Variants in TFAP2D observed in about 807,000 individuals in gnomAD.
The protein encoded by TFAP2D is transcription factor AP-2 delta, also known as transcription factor AP-2-delta.
In TFAP2D, 9 loss-of-function variants were observed where a neutral mutation model predicts 43.6. The observed-to-expected ratio is 0.21, with a 90% CI of 0.12 to 0.36. TFAP2D has a LOEUF of 0.36. TFAP2D is among the 10% of genes least tolerant of loss of function. The probability of loss-of-function intolerance (pLI) is 1.00; values close to 1 mark genes in which losing one functional copy is unlikely to be tolerated. For synonymous variants in TFAP2D, 256 were observed against 224.9 expected (o/e 1.14, Z -1.24); for missense variants, 513 against 561.4 (o/e 0.91, Z 0.87).
intron 7 of TFAP2D, among the ~76,000 whole-genome samples, chr6:50,763,680 GA>G (rs1302541208): frequency 6.6e-6 from 1 of 151,916 alleles, no homozygotes; most frequent in Non-Finnish European, 1.5e-5. Flanking sequence ...GCAATAAAAA[GA>G]AACAATATAT....
At chr6:50,736,072 T>C (rs1768959986) in intron 5 of TFAP2D, among the ~76,000 whole-genome samples, 1 of 152,190 alleles carries the variant, frequency 6.6e-6, no homozygotes, top group South Asian at 2.1e-4. Context: ...AAAAGTCATA[T>C]GAAACTTGAG....
chr6:50,734,567 T>C (rs1209241056), intron 5 of TFAP2D, among the ~76,000 whole-genome samples: 1 of 152,060 alleles, frequency 6.6e-6, no homozygotes, highest in Non-Finnish European at 1.5e-5. Flanking sequence ...TCTGCCTAAG[T>C]CTTAGGAATC....
chr6:50,731,989 C>CCAA lies in TFAP2D; in HGVS notation c.883+2677_883+2678insCAA, dbSNP rs1768901719. Among the ~76,000 whole-genome samples the CCAA allele has an allele frequency of 2.0e-5, 3 of 152,114 alleles. No individual in the cohort carries two copies. In the East Asian group the frequency reaches 5.8e-4, roughly 29 times the overall value. ...TCCAACATGGGTCTAATGTTTGTTC[C>CCAA]ATTTCTACAGTTTTACTCCTGTATG... On this transcript the variant is annotated intron_variant, in intron 5 of 7. Transcript: ENST00000008391.
chr6:50,750,203 T>G (rs902807712), intron 6 of TFAP2D, among the ~76,000 whole-genome samples: 1 of 151,968 alleles, frequency 6.6e-6, no homozygotes. Flanking sequence ...CGGGTTCATA[T>G]TCACTTGAAA....
chr6:50,714,260 G>A (rs1020639434), intron 1 of TFAP2D, among the ~76,000 whole-genome samples, 166 bp downstream of exon 1: 2 of 151,910 alleles, frequency 1.3e-5, no homozygotes, highest in African/African-American at 4.8e-5. Context: ...GGAAGGAAAG[G>A]GGAGAAAGTT....
At position 50,714,164 on chromosome 6, in the gene TFAP2D, TGGCGGC is replaced by T; in HGVS notation, c.39+76_39+81del. 2.6e-6 allele frequency: 4 copies of T among 1,519,208 alleles called. No individual in the cohort carries two copies. The South Asian group carries it at 4.7e-5, about 18-fold the overall frequency. The allele number at this position is 1,519,208 out of a possible 1,614,324, so 94.1% of individuals were successfully genotyped here. A position where few individuals can be genotyped will look rare whatever the true frequency, so the allele number is the denominator to read the frequency against. On this transcript the variant is annotated intron_variant, in intron 1 of 7. Coordinates refer to ENST00000008391, the MANE Select transcript of TFAP2D (RefSeq NM_172238.4). ...GTGGCGGCGGCGGCGGTGGCGGCGG[TGGCGGC>T]GGCGGTGGCAGCCTCCCCTGTCTCT...
chr6:50,724,149 G>A (rs1768771825), intron 3 of TFAP2D, among the ~76,000 whole-genome samples: 1 of 152,028 alleles, frequency 6.6e-6, no homozygotes, highest in Non-Finnish European at 1.5e-5. Flanking sequence ...GGTTAGGAAG[G>A]GTGAGAGGCT....
At chr6:50,772,539 T>C in intron 7 of TFAP2D, 106 bp from the exon 8 acceptor site, 1 of 961,446 alleles carries the variant, frequency 1.0e-6, no homozygotes, top group Non-Finnish European at 1.6e-6. Context: ...AGGAACACAA[T>C]GAATACCTGT....
In TFAP2D at chr6:50,745,205, C is replaced by T; in HGVS notation, c.982C>T (p.Gln328Ter). 1 of 1,613,632 alleles carries T rather than the reference C, an allele frequency of 6.2e-7. No homozygotes were observed. The highest frequency in any genetic ancestry group is 8.5e-7 in the Non-Finnish European group (1 of 1,179,760). ...GEHLARQHME[Q>*]KEQTARKKMI... ...ACATCTTGCCAGACAACATATGGAACAGAAAGAACAGACAGCAAGAAAAAA... is the reference window on the plus strand; with the variant it reads ...ACATCTTGCCAGACAACATATGGAATAGAAAGAACAGACAGCAAGAAAAAA... The change falls in exon 6 of 8, where the codon CAG (glutamine) becomes TAG (stop). Residue 328 changes from glutamine (Q) to a stop codon, truncating the protein, a stop_gained. Coordinates refer to ENST00000008391, the MANE Select transcript of TFAP2D (RefSeq NM_172238.4). LOFTEE classifies it high-confidence loss of function.
Position 50,715,282 on chromosome 6 carries a change from TCCA to T in TFAP2D, c.213_215del (p.His71del). On this transcript the variant is annotated inframe_deletion, in exon 2 of 8. Transcript: ENST00000008391. ...TCCACTAACCACCAGTACACCCCGC[TCCA>T]CCACCAGTCCTTCCATTACGAGTTT... The T allele has an allele frequency of 6.2e-7, 1 of 1,613,326 alleles. No homozygotes were observed. The highest frequency in any genetic ancestry group is 8.5e-7 in the Non-Finnish European group (1 of 1,179,798).
intron 3 of TFAP2D, among the ~76,000 whole-genome samples, chr6:50,721,878 C>T (rs901113865): frequency 4.6e-5 from 7 of 152,154 alleles, no homozygotes; most frequent in Non-Finnish European, 1.0e-4. Flanking sequence ...ATTCCACTTC[C>T]AAAGACCCCA....
At chr6:50,760,876 T>G (rs1465971146) in intron 7 of TFAP2D, among the ~76,000 whole-genome samples, 2 of 151,318 alleles carry the variant, frequency 1.3e-5, no homozygotes, top group Admixed American at 6.6e-5. Context: ...CCTACAATTC[T>G]TTGCTGTTGT....
intron 5 of TFAP2D, among the ~76,000 whole-genome samples, chr6:50,743,579 C>A (rs1346093346): frequency 6.6e-6 from 1 of 151,922 alleles, no homozygotes; most frequent in Non-Finnish European, 1.5e-5. Context: ...ATGATGGGGT[C>A]TTTCTATGTT....
At chr6:50,758,941 G>T (rs1441737983) in intron 7 of TFAP2D, among the ~76,000 whole-genome samples, 1 of 151,994 alleles carries the variant, frequency 6.6e-6, no homozygotes, top group Non-Finnish European at 1.5e-5. Context: ...CCTGCCTAAA[G>T]TTTACTCAAG....
chr6:50,766,260 C>G (rs1769439680), intron 7 of TFAP2D, among the ~76,000 whole-genome samples: 1 of 152,150 alleles, frequency 6.6e-6, no homozygotes, highest in Admixed American at 6.5e-5. Context: ...GTTTTGATTA[C>G]TATAGCTTTG....
intron 6 of TFAP2D, among the ~76,000 whole-genome samples, chr6:50,748,206 C>A (rs1168525721): frequency 6.6e-6 from 1 of 151,760 alleles, no homozygotes; most frequent in Non-Finnish European, 1.5e-5. Flanking sequence ...AAATAATACC[C>A]TTTTTGTGCA....
At chr6:50,737,566 C>T (rs1015271982) in intron 5 of TFAP2D, among the ~76,000 whole-genome samples, 3 of 152,248 alleles carry the variant, frequency 2.0e-5, no homozygotes, top group Non-Finnish European at 2.9e-5. Context: ...TCATTCAGTT[C>T]CCCTCCCAGA....
At chr6:50,730,104 C>T (rs936286308) in intron 5 of TFAP2D, among the ~76,000 whole-genome samples, 5 of 152,022 alleles carry the variant, frequency 3.3e-5, no homozygotes, top group African/African-American at 1.2e-4. Context: ...GGCCTTTTGC[C>T]AAGCCTCACC....
At chr6:50,739,738 G>A (rs1017809325) in intron 5 of TFAP2D, among the ~76,000 whole-genome samples, 1 of 152,082 alleles carries the variant, frequency 6.6e-6, no homozygotes, top group Non-Finnish European at 1.5e-5. Context: ...CAAGACTATT[G>A]TCATAATTAA....
Sources: allele counts gnomAD v4.1 joint callset (sites outside exome capture counted in the v4.1 genomes callset), GRCh38; gene constraint gnomAD v4.1.1; transcripts MANE v1.5; gene names NCBI Gene and HGNC (gene_info 2026-07-23, HGNC 2026-07-21).